Variants in SESN1 observed in about 807,000 individuals in gnomAD.
The protein encoded by SESN1 is sestrin 1, also known as sestrin-1.
Under a neutral mutation model 59.3 loss-of-function variants are expected in SESN1, and 30 were observed. The ratio of observed to expected loss-of-function variants is 0.51; its 90% confidence interval spans 0.38 to 0.69. The LOEUF (loss-of-function observed/expected upper bound fraction) is 0.69, where lower values mean the gene tolerates loss of function less well. Ranked by LOEUF, SESN1 falls within the 30% of genes least tolerant of loss-of-function variation. The pLI is 0.00. For synonymous variants in SESN1, 197 were observed against 219.9 expected (o/e 0.90, Z 0.92); for missense variants, 566 against 673.0 (o/e 0.84, Z 1.76).
rs757450717 is a variant in SESN1, at chr6:109,033,525, T to C, written c.280-31182A>G. On this transcript the variant is annotated intron_variant, in intron 1 of 9. Coordinates refer to ENST00000436639, the MANE Select transcript of SESN1 (RefSeq NM_014454.3). ...GCCTCCAGCTGTTTTTATTCCATAA[T>C]GTCCCTCTGCAATTATCTTCAGAGC... Among the ~76,000 whole-genome samples, 272 of 152,312 alleles carry C rather than the reference T, an allele frequency of 1.8e-3. 1 individual carries two copies. The highest frequency in any genetic ancestry group is 2.2e-3 in the Non-Finnish European group (147 of 68,032).
chr6:109,000,902 T>C (rs945091164), intron 3 of SESN1, among the ~76,000 whole-genome samples: 1 of 152,164 alleles, frequency 6.6e-6, no homozygotes, highest in Non-Finnish European at 1.5e-5. Context: ...ATTTGAACTT[T>C]AGACATTTTA....
At chr6:109,074,577 A>G (rs1780998813) in intron 1 of SESN1, among the ~76,000 whole-genome samples, 1 of 152,232 alleles carries the variant, frequency 6.6e-6, no homozygotes, top group Admixed American at 6.5e-5. Flanking sequence ...AAAGTGAAAA[A>G]AGACAAAATT....
rs939112196 is a variant in SESN1 at position 108,985,334 on chromosome 6, T to A, written c.*2210A>T. ...ATCCTGGGACCCTCAACCAGAAATCTTCTCATGATTATTTTAGAAGAAAAT... is the reference window on the plus strand; with the variant it reads ...ATCCTGGGACCCTCAACCAGAAATCATCTCATGATTATTTTAGAAGAAAAT... On this transcript the variant is annotated 3_prime_UTR_variant, in exon 10 of 10. Coordinates refer to ENST00000436639, the MANE Select transcript of SESN1 (RefSeq NM_014454.3). Among the ~76,000 whole-genome samples, 9 of 152,130 alleles carry A rather than the reference T, an allele frequency of 5.9e-5. No homozygotes were observed. The highest frequency in any genetic ancestry group is 2.2e-4 in the African/African-American group (9 of 41,428).
chr6:109,012,210 AAGTCT>A (rs1212518192), intron 1 of SESN1, among the ~76,000 whole-genome samples: 3 of 152,020 alleles, frequency 2.0e-5, no homozygotes, highest in African/African-American at 7.2e-5. Context: ...CTACCTTACA[AAGTCT>A]GCTATTTAAA....
Position 109,093,159 on chromosome 6 carries a change from T to C in SESN1, c.279+636A>G, listed in dbSNP as rs116381113. Among the ~76,000 whole-genome samples, 1,243 of 152,320 alleles carry C rather than the reference T, an allele frequency of 8.2e-3. 24 individuals are homozygous for C. The highest frequency in any genetic ancestry group is 0.029 in the African/African-American group (1,195 of 41,576). On this transcript the variant is annotated intron_variant, in intron 1 of 9. Transcript: ENST00000436639. ...TAACCTGCTGCACTCGTATCTTAAATAGCTACACATGTGAAAAAGAAACAA... is the reference window on the plus strand; with the variant it reads ...TAACCTGCTGCACTCGTATCTTAAACAGCTACACATGTGAAAAAGAAACAA...
chr6:109,043,743 A>G (rs1780377921), intron 1 of SESN1, among the ~76,000 whole-genome samples: 1 of 152,212 alleles, frequency 6.6e-6, no homozygotes, highest in Non-Finnish European at 1.5e-5. Flanking sequence ...ATAGATTGGA[A>G]GACTCAATAC....
chr6:109,015,981 A>G (rs956579148), intron 1 of SESN1, among the ~76,000 whole-genome samples: 17 of 152,192 alleles, frequency 1.1e-4, no homozygotes, highest in African/African-American at 4.1e-4. Context: ...AATACGAGGA[A>G]TTAGCCAGGC....
At chr6:109,003,924 C>A (rs1779677377) in intron 1 of SESN1, among the ~76,000 whole-genome samples, 1 of 152,162 alleles carries the variant, frequency 6.6e-6, no homozygotes, top group Non-Finnish European at 1.5e-5. Context: ...ATCTTGAAAA[C>A]TGTCTTACTT....
intron 1 of SESN1, among the ~76,000 whole-genome samples, chr6:109,072,062 C>T (rs1382019114): frequency 6.6e-6 from 1 of 152,142 alleles, no homozygotes; most frequent in Non-Finnish European, 1.5e-5. Context: ...TACATTGTAG[C>T]ATCTTCCAAA....
chr6:109,024,468 C>T (rs1365096258), intron 1 of SESN1, among the ~76,000 whole-genome samples: 2 of 152,090 alleles, frequency 1.3e-5, no homozygotes, highest in Non-Finnish European at 2.9e-5. Flanking sequence ...CTGACAGCAC[C>T]GCCCTCTCCC....
chr6:109,042,844 A>G (rs1278475123), intron 1 of SESN1, among the ~76,000 whole-genome samples: 1 of 152,090 alleles, frequency 6.6e-6, no homozygotes, highest in African/African-American at 2.4e-5. Flanking sequence ...AAAATTTTCA[A>G]TTATTTTTAT....
chr6:108,986,029 A>G lies in SESN1; in HGVS notation c.*1515T>C, dbSNP rs1051291334. 2.0e-5 allele frequency among the ~76,000 whole-genome samples: 3 copies of G among 152,204 alleles called. No individual in the cohort carries two copies. The highest frequency in any genetic ancestry group is 2.0e-4 in the Admixed American group (3 of 15,288). On this transcript the variant is annotated 3_prime_UTR_variant, in exon 10 of 10. Coordinates refer to ENST00000436639, the MANE Select transcript of SESN1 (RefSeq NM_014454.3). ...CACACTACCCCATACATTTGTAGGC[A>G]GGCACTAGATTGAGCTCAATAAATG...
intron 5 of SESN1, 104 bp downstream of exon 5, chr6:108,998,409 C>A (rs2069679475): frequency 3.6e-6 from 5 of 1,375,518 alleles, no homozygotes; most frequent in Middle Eastern, 4.7e-4. Flanking sequence ...AATATCTCCA[C>A]AGTCTTAACA....
chr6:109,025,065 G>C (rs1318514772), intron 1 of SESN1, among the ~76,000 whole-genome samples: 1 of 152,048 alleles, frequency 6.6e-6, no homozygotes, highest in Non-Finnish European at 1.5e-5. Context: ...GAAAACAGAA[G>C]GCAAATCCTA....
Position 109,038,820 on chromosome 6 carries a change from C to T in SESN1, c.280-36477G>A, listed in dbSNP as rs778487624. On this transcript the variant is annotated intron_variant, in intron 1 of 9. Coordinates refer to ENST00000436639, the MANE Select transcript of SESN1 (RefSeq NM_014454.3). ...CTACTTCCCTAAGAGCAGATTCTGACGGCAATTGGGGCAGAAAGAAAGGAA... is the reference window on the plus strand; with the variant it reads ...CTACTTCCCTAAGAGCAGATTCTGATGGCAATTGGGGCAGAAAGAAAGGAA... 1.1e-4 allele frequency among the ~76,000 whole-genome samples: 17 copies of T among 149,876 alleles called. No homozygotes were observed. In the East Asian group the frequency reaches 1.8e-3, roughly 16 times the overall value.
At chr6:109,063,020 A>G (rs1356263195) in intron 1 of SESN1, among the ~76,000 whole-genome samples, 1 of 152,182 alleles carries the variant, frequency 6.6e-6, no homozygotes, top group East Asian at 1.9e-4. Flanking sequence ...CACACTTCAT[A>G]GTTGGTCTCA....
At chr6:109,076,306 T>C (rs541910060) in intron 1 of SESN1, among the ~76,000 whole-genome samples, 2 of 152,354 alleles carry the variant, frequency 1.3e-5, no homozygotes, top group Non-Finnish European at 2.9e-5. Context: ...GCTGTAAGTT[T>C]AATTTGCTTG....
At chr6:109,089,553 T>C (rs1781274266) in intron 1 of SESN1, among the ~76,000 whole-genome samples, 1 of 152,130 alleles carries the variant, frequency 6.6e-6, no homozygotes, top group Admixed American at 6.5e-5. Flanking sequence ...CAGAAATTCA[T>C]TTAGGAGCTA....
Position 109,038,172 on chromosome 6 carries a change from G to A in SESN1, c.280-35829C>T, listed in dbSNP as rs141346776. 3.6e-4 allele frequency among the ~76,000 whole-genome samples: 55 copies of A among 152,298 alleles called. 1 individual carries two copies. In the East Asian group the frequency reaches 0.011, roughly 29 times the overall value. On this transcript the variant is annotated intron_variant, in intron 1 of 9. Transcript: ENST00000436639. ...TTTTCTAGCACTAGTTGGAGTCACT[G>A]GCTTGTATTTAGGGGCTTTGTATAA... is the stretch of plus-strand genomic sequence containing the variant.
Sources: gnomAD v4.1 joint callset for allele counts (sites outside exome capture counted in the v4.1 genomes callset) on GRCh38, gnomAD v4.1.1 for gene constraint, MANE v1.5 for transcripts, NCBI Gene and HGNC (gene_info 2026-07-23, HGNC 2026-07-21) for gene names.